The following ATP9A variants were observed in gnomAD, a reference collection of about 807,000 sequenced individuals.
The protein encoded by ATP9A is probable phospholipid-transporting ATPase IIA.
In ATP9A, 52 loss-of-function variants were observed where a neutral mutation model predicts 144.1. The observed-to-expected ratio is 0.36, with a 90% CI of 0.29 to 0.45. The LOEUF (loss-of-function observed/expected upper bound fraction) is 0.45, where lower values mean the gene tolerates loss of function less well. Among genes scored for constraint, ATP9A ranks in the 20% least tolerant of loss-of-function variants. The pLI is 1.00. For missense variants in ATP9A, 947 were observed against 1,392.7 expected (o/e 0.68, Z 5.09); for synonymous variants, 582 against 557.4 (o/e 1.04, Z -0.62).
chr20:51,708,053 A>G (rs1046751014), intron 4 of ATP9A, among the ~76,000 whole-genome samples: 9 of 152,138 alleles, frequency 5.9e-5, no homozygotes, highest in Non-Finnish European at 1.2e-4. Context: ...TAATGACTAA[A>G]AGGTCATTTC....
At chr20:51,709,095 G>C (rs1309538618) in intron 4 of ATP9A, among the ~76,000 whole-genome samples, 1 of 152,202 alleles carries the variant, frequency 6.6e-6, no homozygotes, top group South Asian at 2.1e-4. Flanking sequence ...TGTTATATAA[G>C]AGAAACGTCC....
chr20:51,606,024 C>T (rs1439982895), intron 26 of ATP9A, among the ~76,000 whole-genome samples: 1 of 152,118 alleles, frequency 6.6e-6, no homozygotes, highest in African/African-American at 2.4e-5. Flanking sequence ...AATCCCAACA[C>T]TTTGGGAGGC....
chr20:51,655,063 TATAA>T (rs756437595), intron 14 of ATP9A, among the ~76,000 whole-genome samples: 1 of 152,212 alleles, frequency 6.6e-6, no homozygotes, highest in East Asian at 1.9e-4. Context: ...GCAAAATACT[TATAA>T]ATATCATTGC....
intron 14 of ATP9A, among the ~76,000 whole-genome samples, chr20:51,651,177 C>T (rs1171753889): frequency 1.7e-4 from 13 of 74,684 alleles, no homozygotes; most frequent in Non-Finnish European, 3.9e-4. Flanking sequence ...CACACACACA[C>T]ACAAAGTAAA....
At position 51,607,507 on chromosome 20, in the gene ATP9A, G is replaced by A; in HGVS notation, c.2803+20C>T. 5 of 1,597,232 alleles carry A rather than the reference G, an allele frequency of 3.1e-6. No homozygotes were observed. Among genetic ancestry groups the A allele is most frequent in the Non-Finnish European group, 4.3e-6 (5 of 1,165,336 alleles). ...CAGTACCAGAGCACAAGACAAACAG[G>A]TGTCTCCACTCATCCTTACCTTGAT... is the stretch of plus-strand genomic sequence containing the variant. On this transcript the variant is annotated intron_variant, in intron 26 of 27. Coordinates refer to ENST00000338821, the MANE Select transcript of ATP9A (RefSeq NM_006045.3).
At chr20:51,666,677 CT>C (rs200376262) in intron 13 of ATP9A, among the ~76,000 whole-genome samples, 8,065 of 102,184 alleles carry the variant, frequency 0.079, 526 homozygotes, top group East Asian at 0.3. Context: ...GAGACTGTGT[CT>C]TAAAAAAAAA....
chr20:51,610,648 GCTGTGGCCACAGCT>G (rs2077181476), intron 23 of ATP9A, among the ~76,000 whole-genome samples: 1 of 152,122 alleles, frequency 6.6e-6, no homozygotes, highest in Admixed American at 6.5e-5. Context: ...CTCAAGCCCA[GCTGTGGCCACAGCT>G]CTGTGGCCAC....
chr20:51,753,840 T>G (rs78118722), intron 1 of ATP9A, among the ~76,000 whole-genome samples: 10 of 143,034 alleles, frequency 7.0e-5, no homozygotes, highest in African/African-American at 1.8e-4. Context: ...CTAATTTTGG[T>G]TTTTTTTTTT....
intron 23 of ATP9A, 33 bp downstream of exon 23, chr20:51,613,644 G>A: frequency 6.3e-7 from 1 of 1,592,968 alleles, no homozygotes; most frequent in Non-Finnish European, 8.6e-7. Context: ...ATAGCCACAG[G>A]CACATGTGCA....
Position 51,619,005 on chromosome 20 carries a change from G to A in ATP9A, c.2154C>T (p.Ala718=), listed in dbSNP as rs1949813933. 6.2e-7 allele frequency: 1 copy of A among 1,614,194 alleles called. No homozygotes were observed. Among genetic ancestry groups the A allele is most frequent in the Non-Finnish European group, 8.5e-7 (1 of 1,180,026 alleles). ...GGGCACAATCATGCTTCCTGCGGAA[G>A]GCGTTCAGCTCGAGGTGAGCCTCCC... The part of the protein sequence containing the change: ...NRGEAHLELN[A]FRRKHDCALV... The change falls in exon 20 of 28, where the codon GCC becomes GCT. Residue 718 remains alanine, a synonymous_variant. Coordinates refer to ENST00000338821, the MANE Select transcript of ATP9A (RefSeq NM_006045.3).
intron 1 of ATP9A, chr20:51,734,938 G>C (rs1047073589): frequency 4.8e-6 from 1 of 210,290 alleles, no homozygotes; most frequent in Admixed American, 4.4e-5. Flanking sequence ...GCTCATGCCC[G>C]CACTGCTAAG....
At chr20:51,684,315 A>T (rs1037695821) in intron 9 of ATP9A, among the ~76,000 whole-genome samples, 1 of 152,370 alleles carries the variant, frequency 6.6e-6, no homozygotes, top group Admixed American at 6.5e-5. Context: ...CTTATGACAT[A>T]AACAATTCTT....
intron 23 of ATP9A, 52 bp downstream of exon 23, chr20:51,613,625 C>G (rs915918058): frequency 1.3e-6 from 2 of 1,542,922 alleles, no homozygotes; most frequent in Non-Finnish European, 1.8e-6. Context: ...GCCCACCCAC[C>G]TACATGGTAT....
At chr20:51,635,861 A>AAGGGAGGG (rs145372818) in intron 15 of ATP9A, among the ~76,000 whole-genome samples, 1 of 80,886 alleles carries the variant, frequency 1.2e-5, no homozygotes, top group Non-Finnish European at 2.3e-5. Flanking sequence ...AGGAAGGAGG[A>AAGGGAGGG]AGGGAGGGAG....
chr20:51,698,978 C>CT (rs1228660979), intron 4 of ATP9A, among the ~76,000 whole-genome samples: 1 of 152,176 alleles, frequency 6.6e-6, no homozygotes, highest in African/African-American at 2.4e-5. Context: ...ACCACAAAAT[C>CT]TTTATGATGC....
At chr20:51,743,725 T>C (rs569250699) in intron 1 of ATP9A, among the ~76,000 whole-genome samples, 11 of 23,352 alleles carry the variant, frequency 4.7e-4, no homozygotes, top group Admixed American at 1.1e-3. Flanking sequence ...GAGTAAGAAA[T>C]TAGGCCGGGC....
chr20:51,681,838 C>T (rs6067893), intron 9 of ATP9A, among the ~76,000 whole-genome samples: 38,241 of 152,118 alleles, frequency 0.25, 5,285 homozygotes, highest in Non-Finnish European at 0.3. Flanking sequence ...AACAGGTGCG[C>T]TCTTGCTGCA....
At chr20:51,658,105 G>A (rs1344746895) in intron 13 of ATP9A, among the ~76,000 whole-genome samples, 1 of 152,176 alleles carries the variant, frequency 6.6e-6, no homozygotes, top group African/African-American at 2.4e-5. Flanking sequence ...TCTTGGATGG[G>A]TGGCAAGCAG....
Position 51,695,970 on chromosome 20 carries a change from C to A in ATP9A, c.547+123G>T. On this transcript the variant is annotated intron_variant, in intron 6 of 27. Coordinates refer to ENST00000338821, the MANE Select transcript of ATP9A (RefSeq NM_006045.3). ...AAAGCACGGTCTATTTAAAAAGATGCTTTTGATTTGCCTCCATGGCTCCAA... is the reference window on the plus strand; with the variant it reads ...AAAGCACGGTCTATTTAAAAAGATGATTTTGATTTGCCTCCATGGCTCCAA... 4 of 850,548 alleles carry A rather than the reference C, an allele frequency of 4.7e-6. No homozygotes were observed. The South Asian group carries it at 6.6e-5, about 14-fold the overall frequency. 52.7% of individuals were successfully genotyped at this position (850,548 alleles called of 1,614,324 possible).
Sources: gnomAD v4.1 joint callset for allele counts (sites outside exome capture counted in the v4.1 genomes callset) on GRCh38, gnomAD v4.1.1 for gene constraint, MANE v1.5 for transcripts, NCBI Gene and HGNC (gene_info 2026-07-23, HGNC 2026-07-21) for gene names.